The following SDK1 variants were observed in gnomAD, a reference collection of about 807,000 sequenced individuals.
SDK1 encodes protein sidekick-1.
In SDK1, 157 loss-of-function variants were observed where a neutral mutation model predicts 245.5. The ratio of observed to expected loss-of-function variants is 0.64; its 90% CI spans 0.56 to 0.73. The LOEUF (loss-of-function observed/expected upper bound fraction) is 0.73, where lower values mean the gene tolerates loss of function less well. SDK1 is among the 30% of genes least tolerant of loss of function. The pLI is 0.00. For missense variants in SDK1, 3,583 were observed against 3,002.3 expected (o/e 1.19, Z -4.52); for synonymous variants, 1,647 against 1,278.5 (o/e 1.29, Z -6.15).
chr7:3,580,110 G>A (rs1371623150), intron 1 of SDK1, among the ~76,000 whole-genome samples: 2 of 152,056 alleles, frequency 1.3e-5, no homozygotes, highest in Non-Finnish European at 1.5e-5. Flanking sequence ...TCTACAAGGA[G>A]AATTACAAAA....
intron 1 of SDK1, among the ~76,000 whole-genome samples, chr7:3,364,210 C>G (rs1037648271): frequency 6.6e-6 from 1 of 152,136 alleles, no homozygotes; most frequent in Non-Finnish European, 1.5e-5. Flanking sequence ...ATTTGGCGTA[C>G]AAATATATTC....
At chr7:3,418,130 A>C (rs1779426866) in intron 1 of SDK1, among the ~76,000 whole-genome samples, 1 of 129,042 alleles carries the variant, frequency 7.7e-6, no homozygotes, top group African/African-American at 3.0e-5. Flanking sequence ...GTGAAACCCG[A>C]TCTCTACTAA....
chr7:3,395,909 C>T (rs952679875), intron 1 of SDK1, among the ~76,000 whole-genome samples: 2 of 151,594 alleles, frequency 1.3e-5, no homozygotes, highest in African/African-American at 4.8e-5. Flanking sequence ...TTTTAAAGAA[C>T]CACCTTTTAA....
At chr7:4,234,199 C>G (rs543749185) in intron 41 of SDK1, among the ~76,000 whole-genome samples, 3 of 152,140 alleles carry the variant, frequency 2.0e-5, no homozygotes, top group Non-Finnish European at 4.4e-5. Flanking sequence ...GCAGTATTGC[C>G]GTCCCTGAGG....
intron 4 of SDK1, among the ~76,000 whole-genome samples, chr7:3,706,622 G>T (rs1428625214): frequency 3.3e-5 from 5 of 152,082 alleles, no homozygotes; most frequent in East Asian, 1.9e-4. Flanking sequence ...CAGGATGGTT[G>T]CGATCTCCTG....
intron 4 of SDK1, among the ~76,000 whole-genome samples, chr7:3,649,068 G>A (rs1782931088): frequency 6.6e-6 from 1 of 152,078 alleles, no homozygotes; most frequent in Non-Finnish European, 1.5e-5. Context: ...TGTTCTGCTT[G>A]CCAGGGACAG....
intron 5 of SDK1, among the ~76,000 whole-genome samples, chr7:3,941,932 A>C (rs1780384226): frequency 7.3e-6 from 1 of 136,374 alleles, no homozygotes; most frequent in African/African-American, 2.8e-5. Flanking sequence ...TTTTTGAGAC[A>C]CAGTCTTGCT....
intron 2 of SDK1, 91 bp from the exon 3 acceptor site, chr7:3,638,913 C>A: frequency 1.5e-6 from 1 of 659,644 alleles, no homozygotes; most frequent in Non-Finnish European, 2.6e-6. Flanking sequence ...GATGAGATGC[C>A]AGTGCTGTTT....
chr7:4,262,380 T>C (rs367980018), intron 44 of SDK1, among the ~76,000 whole-genome samples: 1 of 151,654 alleles, frequency 6.6e-6, no homozygotes, highest in Non-Finnish European at 1.5e-5. Context: ...GACCATAAAA[T>C]AGAGGTTTGC....
chr7:3,320,444 G>C (rs945790525), intron 1 of SDK1, among the ~76,000 whole-genome samples: 1 of 152,132 alleles, frequency 6.6e-6, no homozygotes, highest in African/African-American at 2.4e-5. Context: ...GTGTATTTCA[G>C]TGTCAGAGTT....
chr7:3,700,005 AT>A (rs1784694371), intron 4 of SDK1, among the ~76,000 whole-genome samples: 2 of 137,236 alleles, frequency 1.5e-5, no homozygotes, highest in Non-Finnish European at 3.2e-5. Flanking sequence ...TCATCAGATG[AT>A]CTCTCATCAG....
chr7:4,065,621 G>A (rs1314444401), intron 19 of SDK1, among the ~76,000 whole-genome samples: 4 of 144,670 alleles, frequency 2.8e-5, no homozygotes, highest in African/African-American at 1.0e-4. Context: ...CACTAGAAAA[G>A]TGAAATTTAT....
rs371756295 is a variant in SDK1, at chr7:4,079,075, G to A, written c.3203-388G>A. Among the ~76,000 whole-genome samples the A allele has an allele frequency of 1.1e-4, 17 of 152,300 alleles. No individual in the cohort carries two copies. In the East Asian group the frequency reaches 2.5e-3, roughly 22 times the overall value. ...CCGCGGTAATTATGAAAGGAAGTAC[G>A]GCCCGCTCGTTCTCTGTGTGGTTTG... On this transcript the variant is annotated intron_variant, in intron 21 of 44. Coordinates refer to ENST00000404826, the MANE Select transcript of SDK1 (RefSeq NM_152744.4).
intron 40 of SDK1, among the ~76,000 whole-genome samples, chr7:4,229,247 G>A (rs1184593731): frequency 1.3e-5 from 2 of 152,102 alleles, no homozygotes; most frequent in Non-Finnish European, 2.9e-5. Flanking sequence ...TTACCCACTC[G>A]TGATCGTGGT....
chr7:3,709,959 G>A (rs750312266), intron 4 of SDK1, among the ~76,000 whole-genome samples: 3 of 152,066 alleles, frequency 2.0e-5, no homozygotes, highest in Non-Finnish European at 2.9e-5. Context: ...AGACTTAAAT[G>A]TTCTCTCTGC....
intron 5 of SDK1, among the ~76,000 whole-genome samples, chr7:3,908,774 G>C (rs991459743): frequency 2.6e-5 from 4 of 151,996 alleles, no homozygotes; most frequent in Non-Finnish European, 5.9e-5. Flanking sequence ...CGGATGTCTA[G>C]AGCGGGAGTC....
intron 5 of SDK1, among the ~76,000 whole-genome samples, chr7:3,861,180 T>C (rs1780683268): frequency 6.6e-6 from 1 of 152,206 alleles, no homozygotes; most frequent in Non-Finnish European, 1.5e-5. Flanking sequence ...GAAACAGTTG[T>C]AATGTTCCTG....
intron 5 of SDK1, among the ~76,000 whole-genome samples, chr7:3,863,359 C>T (rs551779308): frequency 2.6e-5 from 4 of 152,192 alleles, no homozygotes; most frequent in African/African-American, 9.7e-5. Flanking sequence ...TGCCTTACTG[C>T]CCTTTTGAGA....
At chr7:3,836,868 C>T (rs1426332421) in intron 5 of SDK1, among the ~76,000 whole-genome samples, 1 of 152,054 alleles carries the variant, frequency 6.6e-6, no homozygotes, top group Non-Finnish European at 1.5e-5. Flanking sequence ...AAGATGAAAC[C>T]AGCTTTGCCA....
Sources: gnomAD v4.1 joint callset for allele counts (sites outside exome capture counted in the v4.1 genomes callset) on GRCh38, gnomAD v4.1.1 for gene constraint, MANE v1.5 for transcripts, NCBI Gene and HGNC (gene_info 2026-07-23, HGNC 2026-07-21) for gene names.